COL23A1: variants seen among roughly 807,000 people sequenced by gnomAD.
COL23A1 encodes the protein collagen type XXIII alpha 1 chain.
A neutral mutation model predicts 99.3 loss-of-function variants in COL23A1; 97 were observed. The observed-to-expected ratio is 0.98, with a 90% confidence interval of 0.83 to 1.16. COL23A1 has a LOEUF of 1.16. COL23A1 is among the 50% of genes most tolerant of loss of function. The pLI, the probability that COL23A1 is intolerant of heterozygous loss-of-function variation, is 0.00. For missense variants in COL23A1, 762 were observed against 757.4 expected, an observed-to-expected ratio of 1.01 and a Z score of -0.07; for synonymous variants, 320 against 308.2, an observed-to-expected ratio of 1.04 and a Z score of -0.40.
At chr5:178,326,857 C>G (rs779454204) in intron 2 of COL23A1, among the ~76,000 whole-genome samples, 2 of 152,180 alleles carry the variant, frequency 1.3e-5, no homozygotes, top group African/African-American at 4.8e-5. Flanking sequence ...GTAGCTGGGA[C>G]TACAGGCGCC....
At chr5:178,537,218 A>AG (rs5873621) in intron 2 of COL23A1, among the ~76,000 whole-genome samples, 42 of 152,072 alleles carry the variant, frequency 2.8e-4, no homozygotes, top group South Asian at 2.3e-3. Flanking sequence ...GACTTCTCTT[A>AG]GGGGGGTCTG....
intron 2 of COL23A1, among the ~76,000 whole-genome samples, chr5:178,442,354 G>T (rs1228668048): frequency 6.6e-6 from 1 of 151,656 alleles, no homozygotes; most frequent in Non-Finnish European, 1.5e-5. Flanking sequence ...AATTGAGATG[G>T]GAACATTTTT....
chr5:178,303,461 A>G (rs2973795), intron 3 of COL23A1, among the ~76,000 whole-genome samples: 114,965 of 152,206 alleles, frequency 0.76, 43,992 homozygotes, highest in African/African-American at 0.79. Flanking sequence ...GAAAAGGTCC[A>G]TCTTCCCCCT....
chr5:178,480,360 G>A (rs1030703455), intron 2 of COL23A1, among the ~76,000 whole-genome samples: 1 of 152,034 alleles, frequency 6.6e-6, no homozygotes, highest in African/African-American at 2.4e-5. Flanking sequence ...GGTCACCTCG[G>A]AGTCTTCACA....
intron 2 of COL23A1, among the ~76,000 whole-genome samples, chr5:178,420,463 ATCCTCCTCCCCTCCCCCGCTCTT>A (rs1561956141): frequency 1.8e-4 from 5 of 27,220 alleles, no homozygotes; most frequent in African/African-American, 4.6e-4. Flanking sequence ...CCCCACCTCT[ATCCTCCTCCCCTCCCCCGCTCTT>A]TCCTCCTCCC....
At chr5:178,263,887 C>G (rs1765768417) in intron 8 of COL23A1, among the ~76,000 whole-genome samples, 1 of 152,146 alleles carries the variant, frequency 6.6e-6, no homozygotes, top group African/African-American at 2.4e-5. Context: ...CCCAAAGGAA[C>G]AGGGCACGAC....
At chr5:178,442,161 G>T (rs1256190356) in intron 2 of COL23A1, among the ~76,000 whole-genome samples, 1 of 151,310 alleles carries the variant, frequency 6.6e-6, no homozygotes, top group Non-Finnish European at 1.5e-5. Flanking sequence ...GTCCCCAGAT[G>T]ATTAAAAAAA....
chr5:178,543,209 C>A (rs1382255240), intron 2 of COL23A1, among the ~76,000 whole-genome samples: 2 of 151,758 alleles, frequency 1.3e-5, no homozygotes, highest in Non-Finnish European at 2.9e-5. Flanking sequence ...CCAGGTTCAA[C>A]CGATTCTCCT....
intron 2 of COL23A1, among the ~76,000 whole-genome samples, chr5:178,341,409 T>A (rs1760651667): frequency 6.6e-6 from 1 of 152,000 alleles, no homozygotes; most frequent in Non-Finnish European, 1.5e-5. Context: ...TTGGTGGCCC[T>A]CTCCCGGACC....
intron 3 of COL23A1, among the ~76,000 whole-genome samples, chr5:178,293,215 C>CAG (rs1417467583): frequency 6.6e-6 from 1 of 151,706 alleles, no homozygotes; most frequent in Non-Finnish European, 1.5e-5. Context: ...AGTGGTCCAG[C>CAG]AGAGAGAGAG....
In COL23A1 at chr5:178,434,810, T is replaced by G. The variant is rs1018547426; in HGVS notation, c.361+125872A>C. ...TTTCTTAGGGCCCCAGTGCTAGAGC[T>G]TAATGGAGATGGGATTCCAGCTCAG... is the stretch of plus-strand genomic sequence containing the variant. On this transcript the variant is annotated intron_variant, in intron 2 of 28. Transcript: ENST00000390654. The surrounding 1 kb of genome is among the most constrained non-coding windows in gnomAD (Gnocchi z 4.3). Among the ~76,000 whole-genome samples, 1 of 152,228 alleles carries G rather than the reference T, an allele frequency of 6.6e-6. No individual in the cohort carries two copies. Among genetic ancestry groups the G allele is most frequent in the Non-Finnish European group, 1.5e-5 (1 of 68,046 alleles).
intron 2 of COL23A1, among the ~76,000 whole-genome samples, chr5:178,447,124 T>C (rs1473326763): frequency 1.3e-5 from 2 of 151,970 alleles, no homozygotes; most frequent in Admixed American, 6.5e-5. Context: ...GATGGAGTCT[T>C]GCTCTGTCAC....
chr5:178,271,984 C>T (rs543400810), intron 5 of COL23A1, among the ~76,000 whole-genome samples: 1 of 152,348 alleles, frequency 6.6e-6, no homozygotes, highest in African/African-American at 2.4e-5. Flanking sequence ...CCTCTCTGGG[C>T]TTCCGCTGGC....
chr5:178,498,255 T>TATATAA (rs1340447435), intron 2 of COL23A1, among the ~76,000 whole-genome samples: 48 of 70,750 alleles, frequency 6.8e-4, no homozygotes, highest in African/African-American at 2.7e-3. Context: ...TATATATATA[T>TATATAA]ATAAAAGAAC....
chr5:178,576,726 G>C lies in COL23A1; in HGVS notation c.294+13178C>G, dbSNP rs542784341. Among the ~76,000 whole-genome samples the C allele has an allele frequency of 1.2e-4, 18 of 152,102 alleles. No individual in the cohort carries two copies. The South Asian group carries it at 3.7e-3, about 32-fold the overall frequency. On this transcript the variant is annotated intron_variant, in intron 1 of 28. Transcript: ENST00000390654. ...CCGCGGTCTCCTCCCCGGGCCCCGC[G>C]CGCCAGGCCCTGCGAAAAGCCCCAA...
rs923350352 is a variant in COL23A1, at chr5:178,366,047, C to T, written c.362-59128G>A. On this transcript the variant is annotated intron_variant, in intron 2 of 28. Coordinates refer to ENST00000390654, the MANE Select transcript of COL23A1 (RefSeq NM_173465.4). This position sits in a 1 kb window ranked among gnomAD's most constrained non-coding sequence, Gnocchi z 4.4. ...CTTCATCTGAGCTCGCTTCAGATGACGCCCCCAGTGCCAGGTGATCATCTG... is the reference window on the plus strand; with the variant it reads ...CTTCATCTGAGCTCGCTTCAGATGATGCCCCCAGTGCCAGGTGATCATCTG... Among the ~76,000 whole-genome samples, 20 of 152,190 alleles carry T rather than the reference C, an allele frequency of 1.3e-4. No homozygotes were observed. The highest frequency in any genetic ancestry group is 3.6e-4 in the African/African-American group (15 of 41,446).
intron 2 of COL23A1, among the ~76,000 whole-genome samples, chr5:178,482,734 C>T (rs1009065428): frequency 1.3e-5 from 2 of 151,264 alleles, no homozygotes; most frequent in African/African-American, 4.9e-5. Flanking sequence ...GCTACCGTCG[C>T]TACTAAAACT....
chr5:178,551,863 C>T (rs1009341547), intron 2 of COL23A1, among the ~76,000 whole-genome samples: 3 of 152,102 alleles, frequency 2.0e-5, no homozygotes, highest in African/African-American at 7.2e-5. Flanking sequence ...ACACCATCAA[C>T]TGTGTCCCAT....
At chr5:178,561,038 C>T (rs7732668) in intron 1 of COL23A1, among the ~76,000 whole-genome samples, 2,442 of 152,320 alleles carry the variant, frequency 0.016, 59 homozygotes, top group African/African-American at 0.055. Context: ...ACAGAAACAG[C>T]GTCCTGCAAG....
Sources: gnomAD v4.1 joint callset for allele counts (sites outside exome capture counted in the v4.1 genomes callset) on GRCh38, gnomAD v4.1.1 for gene constraint, Gnocchi (gnomAD v3.1) non-coding constraint, MANE v1.5 for transcripts, NCBI Gene and HGNC (gene_info 2026-07-23, HGNC 2026-07-21) for gene names.